The following VWC2 variants were observed in gnomAD, a reference collection of about 807,000 sequenced individuals.
The protein encoded by VWC2 is brorin.
VWC2 carries 14 observed loss-of-function variants against 29.8 expected under a neutral mutation model. That is an observed-to-expected ratio of 0.47 (90% confidence interval 0.31 to 0.74). The LOEUF (loss-of-function observed/expected upper bound fraction) is 0.74. VWC2 is among the 30% of genes least tolerant of loss of function. The pLI, the probability that VWC2 is intolerant of heterozygous loss-of-function variation, is 0.05. For synonymous variants in VWC2, 213 were observed against 199.0 expected (o/e 1.07, Z -0.59); for missense variants, 457 against 459.8 (o/e 0.99, Z 0.05).
chr7:49,894,985 T>C (rs969735169), intron 3 of VWC2, among the ~76,000 whole-genome samples: 2 of 152,204 alleles, frequency 1.3e-5, no homozygotes, highest in Non-Finnish European at 2.9e-5. Flanking sequence ...GAGTGAGTTT[T>C]TGTTAAATGT....
intron 2 of VWC2, among the ~76,000 whole-genome samples, chr7:49,785,842 C>G (rs1174914463): frequency 6.6e-6 from 1 of 151,990 alleles, no homozygotes; most frequent in Non-Finnish European, 1.5e-5. Flanking sequence ...AAAATATTTA[C>G]TAAAAGAACT....
intron 3 of VWC2, among the ~76,000 whole-genome samples, chr7:49,882,902 C>T (rs1180656880): frequency 6.6e-6 from 1 of 151,348 alleles, no homozygotes; most frequent in African/African-American, 2.4e-5. Context: ...TCTGAATTTT[C>T]CTCTATCTTA....
chr7:49,847,839 C>T (rs796567852), intron 3 of VWC2, among the ~76,000 whole-genome samples: 11 of 152,112 alleles, frequency 7.2e-5, no homozygotes, highest in African/African-American at 2.4e-4. Flanking sequence ...TGTGAAAGCC[C>T]GCAGAGGAGG....
At chr7:49,798,513 C>A (rs1788652384) in intron 2 of VWC2, among the ~76,000 whole-genome samples, 1 of 152,218 alleles carries the variant, frequency 6.6e-6, no homozygotes, top group Non-Finnish European at 1.5e-5. Flanking sequence ...AAGGCACTAG[C>A]ACATTGTCCT....
At chr7:49,841,552 A>G (rs1428792363) in intron 3 of VWC2, among the ~76,000 whole-genome samples, 2 of 152,324 alleles carry the variant, frequency 1.3e-5, no homozygotes, top group African/African-American at 4.8e-5. Context: ...TAGTGCATAT[A>G]ACAAATCGCC....
Position 49,776,077 on chromosome 7 carries a change from G to A in VWC2, c.642G>A (p.Arg214=). The change falls in exon 2 of 4, where the codon AGG becomes AGA. Residue 214 remains arginine, a synonymous_variant. Transcript: ENST00000340652. The stretch of plus-strand genomic sequence containing the variant: ...AGTGCTGCCCGCAGTGCAAGGAGAG[G>A]AAGAACTACTGCGAGTTCCGGGGCA... The part of the protein sequence containing the change: ...TSQCCPQCKE[R]KNYCEFRGKT... The A allele has an allele frequency of 6.4e-7, 1 of 1,555,278 alleles. No homozygotes were observed. Among genetic ancestry groups the A allele is most frequent in the South Asian group, 1.2e-5 (1 of 84,844 alleles).
intron 2 of VWC2, among the ~76,000 whole-genome samples, chr7:49,796,085 G>T (rs1288552355): frequency 6.6e-6 from 1 of 152,190 alleles, no homozygotes; most frequent in East Asian, 1.9e-4. Context: ...TATCATTGCA[G>T]AATCCAATAA....
intron 2 of VWC2, among the ~76,000 whole-genome samples, chr7:49,798,802 T>C (rs1026288642): frequency 1.1e-4 from 17 of 152,212 alleles, no homozygotes; most frequent in Non-Finnish European, 2.4e-4. Flanking sequence ...TTGTTTTATT[T>C]TGCTACTTTA....
chr7:49,858,729 TAAGA>T (rs926766821), intron 3 of VWC2, among the ~76,000 whole-genome samples: 11 of 152,110 alleles, frequency 7.2e-5, no homozygotes, highest in African/African-American at 9.7e-5. Flanking sequence ...AAGCTATACA[TAAGA>T]AAGAGAACAC....
rs1473470894 is a variant in VWC2 at position 49,877,478 on chromosome 7, AAAAATATATATAT to A, written c.827-34554_827-34542del. 3.6e-4 allele frequency among the ~76,000 whole-genome samples: 14 copies of A among 39,168 alleles called. 2 individuals carry two copies. The highest frequency in any genetic ancestry group is 1.4e-3 in the African/African-American group (12 of 8,880). 25.7% of individuals were successfully genotyped at this position (39,168 alleles called of 152,430 possible). On this transcript the variant is annotated intron_variant, in intron 3 of 3. Coordinates refer to ENST00000340652, the MANE Select transcript of VWC2 (RefSeq NM_198570.5). ...ACTCTGTCTCAAAAAAAAAAAAAAA[AAAAATATATATAT>A]ATATATATATATATATATATATATA...
chr7:49,811,976 C>A (rs1789021053), intron 3 of VWC2, among the ~76,000 whole-genome samples: 1 of 152,118 alleles, frequency 6.6e-6, no homozygotes, highest in African/African-American at 2.4e-5. Context: ...TATCCATGTA[C>A]TGAATACTGT....
intron 3 of VWC2, among the ~76,000 whole-genome samples, chr7:49,812,959 T>C (rs1021722883): frequency 6.6e-6 from 1 of 152,206 alleles, no homozygotes; most frequent in Non-Finnish European, 1.5e-5. Context: ...TAAGAAGTTG[T>C]ACAGAAAAAT....
rs1793576489 is a variant in VWC2, at chr7:49,913,687, T to G, written c.*1502T>G. 6.6e-6 allele frequency: 1 copy of G among 152,186 alleles called. No individual in the cohort carries two copies. The highest frequency in any genetic ancestry group is 1.5e-5 in the Non-Finnish European group (1 of 68,024). 9.4% of individuals were successfully genotyped at this position (152,186 alleles called of 1,614,324 possible). On this transcript the variant is annotated 3_prime_UTR_variant, in exon 4 of 4. Coordinates refer to ENST00000340652, the MANE Select transcript of VWC2 (RefSeq NM_198570.5). ...AGAAGTATATGAAATCATAATGTAT[T>G]GTATTAGGAGCCAAACTAGAGACCA...
chr7:49,912,226 T>G lies in VWC2; in HGVS notation c.*41T>G. 6.2e-7 allele frequency: 1 copy of G among 1,609,700 alleles called. No homozygotes were observed. The highest frequency in any genetic ancestry group is 8.5e-7 in the Non-Finnish European group (1 of 1,177,028). ...CAAACTCTGACTTTTTCTAGAACATTTTACTGATGTGAACATTCTAGATGA... is the reference window on the plus strand; with the variant it reads ...CAAACTCTGACTTTTTCTAGAACATGTTACTGATGTGAACATTCTAGATGA... On this transcript the variant is annotated 3_prime_UTR_variant, in exon 4 of 4. Coordinates refer to ENST00000340652, the MANE Select transcript of VWC2 (RefSeq NM_198570.5).
chr7:49,851,090 C>T (rs1286949486), intron 3 of VWC2, among the ~76,000 whole-genome samples: 1 of 152,218 alleles, frequency 6.6e-6, no homozygotes, highest in African/African-American at 2.4e-5. Context: ...CGGCTGCTCC[C>T]TTACATGCCT....
chr7:49,792,257 C>T (rs778254259), intron 2 of VWC2, among the ~76,000 whole-genome samples: 1 of 152,170 alleles, frequency 6.6e-6, no homozygotes, highest in African/African-American at 2.4e-5. Context: ...AGCCACTCAC[C>T]GCTGTAAGCA....
At chr7:49,850,149 A>G (rs192428911) in intron 3 of VWC2, among the ~76,000 whole-genome samples, 1 of 152,330 alleles carries the variant, frequency 6.6e-6, no homozygotes, top group East Asian at 1.9e-4. Flanking sequence ...ACAGTGCTGT[A>G]ACGCAGTATT....
intron 2 of VWC2, among the ~76,000 whole-genome samples, chr7:49,784,103 T>C (rs906208297): frequency 2.0e-5 from 3 of 152,146 alleles, no homozygotes. Context: ...ACACATATTT[T>C]TAAAAGAAAA....
chr7:49,843,366 G>A (rs931344167), intron 3 of VWC2, among the ~76,000 whole-genome samples: 2 of 152,154 alleles, frequency 1.3e-5, no homozygotes, highest in African/African-American at 4.8e-5. Context: ...AAGCGAAGAG[G>A]AGACACAGCT....
Sources: gnomAD v4.1 joint callset for allele counts (sites outside exome capture counted in the v4.1 genomes callset) on GRCh38, gnomAD v4.1.1 for gene constraint, MANE v1.5 for transcripts, NCBI Gene and HGNC (gene_info 2026-07-23, HGNC 2026-07-21) for gene names.